PTGFRN: variants seen among roughly 807,000 people sequenced by gnomAD.
PTGFRN encodes the protein prostaglandin F2 receptor negative regulator.
Under a neutral mutation model 83.2 loss-of-function variants are expected in PTGFRN, and 35 were observed. The observed-to-expected ratio is 0.42, with a 90% CI of 0.32 to 0.56. The LOEUF is 0.56. Among genes scored for constraint, PTGFRN ranks in the 20% least tolerant of loss-of-function variants. The pLI is 0.11. For missense variants in PTGFRN, 1,051 were observed against 1,179.5 expected, an observed-to-expected ratio of 0.89 and a Z score of 1.60; for synonymous variants, 519 against 498.6, an observed-to-expected ratio of 1.04 and a Z score of -0.55.
At chr1:116,914,526 G>A (rs1002595851) in intron 1 of PTGFRN, among the ~76,000 whole-genome samples, 4 of 152,184 alleles carry the variant, frequency 2.6e-5, no homozygotes, top group Non-Finnish European at 4.4e-5. Flanking sequence ...CAAGGTGGGA[G>A]GATTGCTTGA....
At chr1:116,930,377 A>G (rs2148634) in intron 1 of PTGFRN, among the ~76,000 whole-genome samples, 65,756 of 151,762 alleles carry the variant, frequency 0.43, 14,523 homozygotes, top group Admixed American at 0.53. Context: ...CCTCTTTTCT[A>G]TACAGTAATC....
intron 4 of PTGFRN, among the ~76,000 whole-genome samples, chr1:116,957,044 G>A (rs903592571): frequency 5.9e-5 from 9 of 151,570 alleles, no homozygotes; most frequent in Admixed American, 2.0e-4. Context: ...CGGGAATGTG[G>A]TAGCAGGAGT....
At chr1:116,986,769 G>A (rs1289322012) in intron 8 of PTGFRN, 32 bp from the exon 9 acceptor site, 1 of 1,609,174 alleles carries the variant, frequency 6.2e-7, no homozygotes, top group Non-Finnish European at 8.5e-7. Flanking sequence ...TCGCAGCACT[G>A]ACTGGCTTCC....
intron 7 of PTGFRN, among the ~76,000 whole-genome samples, chr1:116,981,316 C>T (rs1448796967): frequency 6.6e-6 from 1 of 152,174 alleles, no homozygotes; most frequent in African/African-American, 2.4e-5. Flanking sequence ...GACCTCGACA[C>T]TCTGTAGTAC....
At chr1:116,970,296 A>G (rs1187437281) in intron 6 of PTGFRN, among the ~76,000 whole-genome samples, 3 of 151,240 alleles carry the variant, frequency 2.0e-5, no homozygotes, top group Non-Finnish European at 2.9e-5. Context: ...GTTTCCTTCC[A>G]TTCTTAGTTT....
intron 4 of PTGFRN, among the ~76,000 whole-genome samples, chr1:116,957,494 A>G (rs73014748): frequency 0.026 from 4,007 of 152,014 alleles, 179 homozygotes; most frequent in African/African-American, 0.091. Context: ...ATGTTTTTTT[A>G]ATTGACAGAT....
At chr1:116,983,212 T>A (rs768471063) in intron 7 of PTGFRN, among the ~76,000 whole-genome samples, 103 of 152,308 alleles carry the variant, frequency 6.8e-4, no homozygotes, top group Non-Finnish European at 1.0e-3. Context: ...GGTTCATTAG[T>A]GCTGGTGCTG....
intron 5 of PTGFRN, 55 bp from the exon 6 acceptor site, chr1:116,966,856 T>C (rs1234362857): frequency 6.6e-7 from 1 of 1,513,320 alleles, no homozygotes; most frequent in African/African-American, 1.4e-5. Flanking sequence ...TTTAGTTGCA[T>C]TTTTATTTTA....
intron 3 of PTGFRN, among the ~76,000 whole-genome samples, chr1:116,948,329 C>T (rs539703291): frequency 6.6e-6 from 1 of 152,320 alleles, no homozygotes; most frequent in East Asian, 1.9e-4. Flanking sequence ...GAGTCTGTGA[C>T]ACCAAATACT....
chr1:116,960,928 AC>A (rs996204646), intron 4 of PTGFRN, among the ~76,000 whole-genome samples: 46 of 152,158 alleles, frequency 3.0e-4, no homozygotes, highest in African/African-American at 1.0e-3. Context: ...TTCTCAGAAG[AC>A]CTTAACCTCT....
At chr1:116,938,006 T>G (rs1286646398) in intron 1 of PTGFRN, among the ~76,000 whole-genome samples, 1 of 151,640 alleles carries the variant, frequency 6.6e-6, no homozygotes, top group Non-Finnish European at 1.5e-5. Context: ...CTCTAAAGAG[T>G]CTCCACCATG....
At chr1:116,972,543 T>G (rs1469712115) in intron 6 of PTGFRN, among the ~76,000 whole-genome samples, 1 of 152,204 alleles carries the variant, frequency 6.6e-6, no homozygotes. Context: ...TCATGGCCAT[T>G]TCTTCTGCAA....
Position 116,942,029 on chromosome 1 carries a change from C to T in PTGFRN, c.364C>T (p.Pro122Ser). The stretch of plus-strand genomic sequence containing the variant: ...CCAAGGCCACTACAAATGTTCAACC[C>T]CCAGCACAGATGCCACTGTCCAGGG... ...SDQGHYKCST[P>S]STDATVQGNY... is the part of the protein sequence containing the mutation. The change falls in exon 2 of 9, where the codon CCC becomes TCC. Residue 122 changes from proline (P) to serine (S), a missense_variant. Pro to Ser is a moderately conservative substitution (Grantham distance 74, BLOSUM62 -1). Coordinates refer to ENST00000393203, the MANE Select transcript of PTGFRN (RefSeq NM_020440.4). 1 of 1,614,136 alleles carries T rather than the reference C, an allele frequency of 6.2e-7. No individual in the cohort carries two copies. Among genetic ancestry groups the T allele is most frequent in the Non-Finnish European group, 8.5e-7 (1 of 1,180,028 alleles).
intron 8 of PTGFRN, among the ~76,000 whole-genome samples, chr1:116,985,934 A>G (rs946182934): frequency 2.0e-5 from 3 of 152,174 alleles, no homozygotes; most frequent in Admixed American, 1.3e-4. Context: ...CAGAAAGTAC[A>G]TGTTAGTCGA....
At chr1:116,979,562 T>A (rs983926868) in intron 7 of PTGFRN, among the ~76,000 whole-genome samples, 3 of 152,098 alleles carry the variant, frequency 2.0e-5, no homozygotes, top group Non-Finnish European at 4.4e-5. Context: ...TCAAAAATAA[T>A]ACCACACATC....
intron 7 of PTGFRN, 148 bp downstream of exon 7, chr1:116,974,471 G>A (rs1221874776): frequency 5.5e-6 from 3 of 549,642 alleles, no homozygotes; most frequent in Non-Finnish European, 9.6e-6. Context: ...TACTCATTAA[G>A]TGTTTAATAA....
At position 116,987,136 on chromosome 1, in the gene PTGFRN, T is replaced by C. The variant is rs1261063214; in HGVS notation, c.*169T>C. ...GCATGTCAAGTTCTGAGCGCGGACATGTTTACCAGCACACGGCTCTTCTTC... is the reference window on the plus strand; with the variant it reads ...GCATGTCAAGTTCTGAGCGCGGACACGTTTACCAGCACACGGCTCTTCTTC... On this transcript the variant is annotated 3_prime_UTR_variant, in exon 9 of 9. Transcript: ENST00000393203. 5.7e-6 allele frequency: 4 copies of C among 703,956 alleles called. No individual in the cohort carries two copies. Among genetic ancestry groups the C allele is most frequent in the South Asian group, 1.9e-5 (1 of 51,698 alleles). 43.6% of individuals were successfully genotyped at this position (703,956 alleles called of 1,614,324 possible).
chr1:116,944,678 G>C lies in PTGFRN; in HGVS notation c.419-1G>C, dbSNP rs1281780607. On this transcript the variant is annotated splice_acceptor_variant, in intron 2 of 8. Coordinates refer to ENST00000393203, the MANE Select transcript of PTGFRN (RefSeq NM_020440.4). LOFTEE classifies it high-confidence loss of function. ...ACTGACCTAGCTTTCTCTCTCCGCA[G>C]TGCTGGCCGACTCCCTGCACGTGGG... 1 of 1,424,474 alleles carries C rather than the reference G, an allele frequency of 7.0e-7. No homozygotes were observed. The allele number at this position is 1,424,474 out of a possible 1,614,324, so 88.2% of individuals were successfully genotyped here.
In PTGFRN at chr1:116,984,742, G is replaced by A; in HGVS notation, c.2230G>A (p.Val744Met). The change falls in exon 8 of 9, where the codon GTG becomes ATG. Residue 744 changes from valine to methionine, a missense_variant. Val to Met is a conservative substitution (Grantham distance 21). Transcript: ENST00000393203. ...CTCTTTTGGCCTGGACAAGGCTCCT[G>A]TGCTCCTGTCTTCCCTGGATCGGAA... is the stretch of plus-strand genomic sequence containing the variant. ...VHSFGLDKAPVLLSSLDRKGI... is the reference protein window; with the variant it reads ...VHSFGLDKAPMLLSSLDRKGI... 6.2e-7 allele frequency: 1 copy of A among 1,614,162 alleles called. No homozygotes were observed. Among genetic ancestry groups the A allele is most frequent in the Non-Finnish European group, 8.5e-7 (1 of 1,180,034 alleles).
Sources: allele counts gnomAD v4.1 joint callset (sites outside exome capture counted in the v4.1 genomes callset), GRCh38; gene constraint gnomAD v4.1.1; transcripts MANE v1.5; gene names NCBI Gene and HGNC (gene_info 2026-07-23, HGNC 2026-07-21).